NRXN3: variants seen among roughly 807,000 people sequenced by gnomAD.
The protein encoded by NRXN3 is neurexin III.
In NRXN3, 32 loss-of-function variants were observed where a neutral mutation model predicts 137.6. That is an observed-to-expected ratio of 0.23 (90% CI 0.18 to 0.31). NRXN3 has a LOEUF of 0.31. Ranked by LOEUF, NRXN3 falls within the 10% of genes least tolerant of loss-of-function variation. The pLI is 1.00. For synonymous variants in NRXN3, 798 were observed against 784.5 expected (o/e 1.02, Z -0.29); for missense variants, 1,574 against 2,062.5 (o/e 0.76, Z 4.59).
chr14:79,093,895 A>AT (rs67253812), intron 15 of NRXN3, among the ~76,000 whole-genome samples: 1 of 151,528 alleles, frequency 6.6e-6, no homozygotes, highest in African/African-American at 2.4e-5. Context: ...ATTCTGATTG[A>AT]TTTTTTTTTT....
intron 16 of NRXN3, among the ~76,000 whole-genome samples, chr14:79,572,245 G>A (rs1184763229): frequency 6.6e-6 from 1 of 151,962 alleles, no homozygotes; most frequent in East Asian, 1.9e-4. Context: ...AATGCTTTGA[G>A]ACAATCCTAT....
At chr14:78,689,029 A>C (rs1330055850) in intron 6 of NRXN3, among the ~76,000 whole-genome samples, 4 of 151,972 alleles carry the variant, frequency 2.6e-5, no homozygotes, top group Non-Finnish European at 4.4e-5. Flanking sequence ...AGGGGATAGT[A>C]CTGTAGCTGA....
Position 79,764,933 on chromosome 14 carries a change from AT to A in NRXN3, c.4015-40172del, listed in dbSNP as rs917712848. On this transcript the variant is annotated intron_variant, in intron 19 of 20. Transcript: ENST00000335750. ...ATGCTGTGATCTGAACCATTAGACT[AT>A]TTTTTTCTCCTTTAAGGTACTAATA... 5.5e-4 allele frequency among the ~76,000 whole-genome samples: 84 copies of A among 152,194 alleles called. 2 individuals carry two copies. The highest frequency in any genetic ancestry group is 4.1e-4 in the Non-Finnish European group (28 of 68,008).
intron 4 of NRXN3, among the ~76,000 whole-genome samples, chr14:78,465,587 G>A: frequency 6.6e-6 from 1 of 152,162 alleles, no homozygotes; most frequent in Non-Finnish European, 1.5e-5. Context: ...CGCCAGGCTG[G>A]AGTGCAGTGG....
chr14:78,900,114 T>C, intron 10 of NRXN3, among the ~76,000 whole-genome samples: 1 of 152,084 alleles, frequency 6.6e-6, no homozygotes, highest in East Asian at 1.9e-4. Flanking sequence ...CTAACATTTT[T>C]GAACCCATCT....
At chr14:78,892,121 G>A (rs2099160682) in intron 10 of NRXN3, among the ~76,000 whole-genome samples, 1 of 151,942 alleles carries the variant, frequency 6.6e-6, no homozygotes, top group Admixed American at 6.6e-5. Context: ...TGCTAAATGA[G>A]AAACTGTGGC....
At chr14:79,089,189 T>C (rs1234015436) in intron 15 of NRXN3, among the ~76,000 whole-genome samples, 2 of 152,200 alleles carry the variant, frequency 1.3e-5, no homozygotes, top group African/African-American at 4.8e-5. Context: ...AAGAGACATG[T>C]ACCCCTTGCT....
rs539941309 is a variant in NRXN3, at chr14:79,386,330, A to G, written c.3263-80891A>G. ...CAATAACAGACAAACAGAGAGCCAA[A>G]TCATGACTGAACCACTCACAATTGC... is the stretch of plus-strand genomic sequence containing the variant. On this transcript the variant is annotated intron_variant, in intron 15 of 20. Transcript: ENST00000335750. Among the ~76,000 whole-genome samples the G allele has an allele frequency of 3.9e-5, 6 of 152,318 alleles. No individual in the cohort carries two copies. The East Asian group carries it at 1.2e-3, about 29-fold the overall frequency.
At chr14:78,369,930 TA>T (rs57610008) in intron 4 of NRXN3, among the ~76,000 whole-genome samples, 7,357 of 140,278 alleles carry the variant, frequency 0.052, 557 homozygotes, top group East Asian at 0.37. Context: ...TTAGCCTGGT[TA>T]AAAAAAAAAA....
chr14:79,841,953 G>C (rs1223831568), intron 20 of NRXN3, among the ~76,000 whole-genome samples: 1 of 152,210 alleles, frequency 6.6e-6, no homozygotes, highest in Non-Finnish European at 1.5e-5. Context: ...TGAATGCAAT[G>C]CTTCAATAAT....
At chr14:79,571,211 C>T (rs184823516) in intron 16 of NRXN3, among the ~76,000 whole-genome samples, 71 of 152,262 alleles carry the variant, frequency 4.7e-4, no homozygotes. Flanking sequence ...GGCTTAGTGA[C>T]TATGAGAAGA....
At chr14:79,692,071 A>G (rs2098718894) in intron 17 of NRXN3, 102 bp from the exon 18 acceptor site, 2 of 780,100 alleles carry the variant, frequency 2.6e-6, no homozygotes. Flanking sequence ...ATTGATATCT[A>G]TCTCTAAAAA....
At chr14:78,667,908 C>G (rs926917531) in intron 6 of NRXN3, among the ~76,000 whole-genome samples, 1 of 151,954 alleles carries the variant, frequency 6.6e-6, no homozygotes, top group Non-Finnish European at 1.5e-5. Context: ...CTCTGCCTCC[C>G]GAGTAGCTGG....
chr14:78,441,832 C>G (rs908240954), intron 4 of NRXN3, among the ~76,000 whole-genome samples: 4 of 152,126 alleles, frequency 2.6e-5, no homozygotes, highest in Non-Finnish European at 5.9e-5. Flanking sequence ...TGCAGTGGCT[C>G]ACACCTGTAA....
At chr14:78,953,781 C>T (rs2099391458) in intron 10 of NRXN3, among the ~76,000 whole-genome samples, 2 of 152,008 alleles carry the variant, frequency 1.3e-5, no homozygotes, top group African/African-American at 4.8e-5. Context: ...ATATTTATTA[C>T]TTAAACTATA....
At chr14:79,829,010 A>G (rs1161593238) in intron 20 of NRXN3, among the ~76,000 whole-genome samples, 2 of 152,210 alleles carry the variant, frequency 1.3e-5, no homozygotes, top group South Asian at 2.1e-4. Flanking sequence ...GAGAAAACAC[A>G]TTCCTTCTTC....
chr14:78,824,103 C>CT (rs11387026), intron 10 of NRXN3, among the ~76,000 whole-genome samples: 76,036 of 99,518 alleles, frequency 0.76, 30,673 homozygotes, highest in Non-Finnish European at 0.89. Flanking sequence ...TCACCTGCTT[C>CT]TTTTTTTTTT....
chr14:78,880,545 C>T (rs1431388434), intron 10 of NRXN3, among the ~76,000 whole-genome samples: 5 of 152,134 alleles, frequency 3.3e-5, no homozygotes, highest in Non-Finnish European at 7.4e-5. Context: ...TTCCCACTCC[C>T]TGGCTTTCTG....
intron 4 of NRXN3, among the ~76,000 whole-genome samples, chr14:78,329,355 G>A (rs1478575921): frequency 6.6e-6 from 1 of 152,080 alleles, no homozygotes; most frequent in East Asian, 1.9e-4. Flanking sequence ...AAGAATGACA[G>A]TTTTCAGTGT....
Sources: gnomAD v4.1 joint callset for allele counts (sites outside exome capture counted in the v4.1 genomes callset) on GRCh38, gnomAD v4.1.1 for gene constraint, MANE v1.5 for transcripts, NCBI Gene and HGNC (gene_info 2026-07-23, HGNC 2026-07-21) for gene names.